Variants in ENOX1 observed in about 807,000 individuals in gnomAD.
The protein encoded by ENOX1 is candidate growth-related and time keeping constitutive hydroquinone (NADH) oxidase.
Under a neutral mutation model 82.5 loss-of-function variants are expected in ENOX1, and 42 were observed. The observed-to-expected ratio is 0.51, with a 90% CI of 0.40 to 0.66. The LOEUF (loss-of-function observed/expected upper bound fraction) is 0.66, where lower values mean the gene tolerates loss of function less well. ENOX1 is among the 30% of genes least tolerant of loss of function. The pLI is 0.00. For missense variants in ENOX1, 608 were observed against 811.6 expected, an observed-to-expected ratio of 0.75 and a Z score of 3.05; for synonymous variants, 271 against 282.2, an observed-to-expected ratio of 0.96 and a Z score of 0.40.
At chr13:43,398,994 A>G (rs1042778410) in intron 5 of ENOX1, among the ~76,000 whole-genome samples, 3 of 151,094 alleles carry the variant, frequency 2.0e-5, no homozygotes, top group Admixed American at 6.6e-5. Flanking sequence ...TTTTACCACC[A>G]TGTTGGTTAG....
intron 2 of ENOX1, among the ~76,000 whole-genome samples, chr13:43,665,040 G>A (rs2084912426): frequency 6.6e-6 from 1 of 152,142 alleles, no homozygotes; most frequent in Admixed American, 6.6e-5. Context: ...CCACCTTCCT[G>A]GAGGCCTGGG....
intron 3 of ENOX1, among the ~76,000 whole-genome samples, chr13:43,428,591 G>T (rs2055467219): frequency 6.6e-6 from 1 of 152,156 alleles, no homozygotes; most frequent in African/African-American, 2.4e-5. Context: ...GTGGAGTCAG[G>T]TTACTATTAC....
intron 3 of ENOX1, among the ~76,000 whole-genome samples, chr13:43,458,201 C>A (rs1178340428): frequency 6.6e-6 from 1 of 152,162 alleles, no homozygotes; most frequent in African/African-American, 2.4e-5. Flanking sequence ...CTTGACTTTA[C>A]AGTCAGATTG....
intron 5 of ENOX1, among the ~76,000 whole-genome samples, chr13:43,371,961 G>A (rs570256294): frequency 3.9e-5 from 6 of 152,266 alleles, no homozygotes; most frequent in East Asian, 3.9e-4. Context: ...CAAGGAGAAC[G>A]GGTAACATAA....
At chr13:43,364,467 C>T (rs1258973758) in intron 5 of ENOX1, among the ~76,000 whole-genome samples, 1 of 152,054 alleles carries the variant, frequency 6.6e-6, no homozygotes, top group East Asian at 1.9e-4. Flanking sequence ...TCTGTGTTGC[C>T]GGCTCCAAGC....
intron 2 of ENOX1, among the ~76,000 whole-genome samples, chr13:43,538,849 G>A (rs980639936): frequency 1.3e-5 from 2 of 151,932 alleles, no homozygotes; most frequent in Non-Finnish European, 2.9e-5. Flanking sequence ...TTTTGGAGAC[G>A]GGGTCTCACT....
chr13:43,351,293 A>G (rs902579530), intron 8 of ENOX1, among the ~76,000 whole-genome samples: 4 of 152,232 alleles, frequency 2.6e-5, no homozygotes, highest in African/African-American at 9.6e-5. Context: ...ACACACATGC[A>G]ATCTCCTTAA....
At chr13:43,533,600 T>C (rs1208112180) in intron 2 of ENOX1, among the ~76,000 whole-genome samples, 1 of 152,184 alleles carries the variant, frequency 6.6e-6, no homozygotes, top group African/African-American at 2.4e-5. Flanking sequence ...TTTCTAACTC[T>C]AGACTTCTTA....
intron 1 of ENOX1, among the ~76,000 whole-genome samples, chr13:43,770,296 A>C (rs1487367141): frequency 6.6e-6 from 1 of 152,252 alleles, no homozygotes; most frequent in East Asian, 1.9e-4. Context: ...TGGTGTAAGT[A>C]GAAGGAGTAA....
intron 2 of ENOX1, among the ~76,000 whole-genome samples, chr13:43,633,218 T>G (rs190345537): frequency 6.6e-6 from 1 of 152,192 alleles, no homozygotes; most frequent in Non-Finnish European, 1.5e-5. Flanking sequence ...ATCAAATAAG[T>G]AAAACATTTT....
Position 43,470,251 on chromosome 13 carries a change from T to TATATAC in ENOX1, c.-75+13757_-75+13758insGTATAT, listed in dbSNP as rs1566304829. On this transcript the variant is annotated intron_variant, in intron 3 of 16. Transcript: ENST00000690772. ...ATGTGTGTGTGTGTATATATATACA[T>TATATAC]ATATATATACATATATATACACATA... Among the ~76,000 whole-genome samples the TATATAC allele has an allele frequency of 6.1e-4, 27 of 44,102 alleles. 1 individual carries two copies. The highest frequency in any genetic ancestry group is 1.6e-3 in the African/African-American group (27 of 16,880). 28.9% of individuals were successfully genotyped at this position (44,102 alleles called of 152,430 possible). A position where few individuals can be genotyped will look rare whatever the true frequency, so the allele number is the denominator to read the frequency against.
chr13:43,359,002 C>T (rs550290615), intron 7 of ENOX1, among the ~76,000 whole-genome samples: 65 of 152,316 alleles, frequency 4.3e-4, no homozygotes, highest in African/African-American at 1.5e-3. Flanking sequence ...CACAGAATTT[C>T]GTGGCAATAG....
At chr13:43,374,935 T>C (rs2051513783) in intron 5 of ENOX1, among the ~76,000 whole-genome samples, 1 of 152,156 alleles carries the variant, frequency 6.6e-6, no homozygotes, top group Non-Finnish European at 1.5e-5. Context: ...TGCACAGTAT[T>C]CAGGGTTTAG....
intron 5 of ENOX1, among the ~76,000 whole-genome samples, chr13:43,396,806 T>C (rs2053182085): frequency 6.6e-6 from 1 of 152,228 alleles, no homozygotes; most frequent in Admixed American, 6.5e-5. Context: ...TAATGTCTTA[T>C]GTTCTTGATT....
At chr13:43,448,293 A>G (rs778945327) in intron 3 of ENOX1, among the ~76,000 whole-genome samples, 13 of 152,236 alleles carry the variant, frequency 8.5e-5, no homozygotes, top group Non-Finnish European at 1.8e-4. Context: ...AAAAAAGGTT[A>G]ACTCTCATTA....
At chr13:43,290,688 A>G (rs1181105251) in intron 12 of ENOX1, among the ~76,000 whole-genome samples, 1 of 152,200 alleles carries the variant, frequency 6.6e-6, no homozygotes, top group Non-Finnish European at 1.5e-5. Context: ...AGCATCACGC[A>G]ATATTCCCAT....
At position 43,450,825 on chromosome 13, in the gene ENOX1, G is replaced by A. The variant is rs957452802; in HGVS notation, c.-75+33184C>T. Among the ~76,000 whole-genome samples, 5 of 152,074 alleles carry A rather than the reference G, an allele frequency of 3.3e-5. 1 individual carries two copies. The highest frequency in any genetic ancestry group is 2.6e-4 in the Admixed American group (4 of 15,248). Reference sequence around the variant, plus strand: ...CTATCTCTAGGTATCAGCTGACCCAGGAAGGTTTAGCATCCCAAGTCCACA... The same window carrying A: ...CTATCTCTAGGTATCAGCTGACCCAAGAAGGTTTAGCATCCCAAGTCCACA... On this transcript the variant is annotated intron_variant, in intron 3 of 16. Transcript: ENST00000690772.
chr13:43,556,879 T>G lies in ENOX1; in HGVS notation c.-218-72727A>C, dbSNP rs1202200148. Among the ~76,000 whole-genome samples, 7 of 152,340 alleles carry G rather than the reference T, an allele frequency of 4.6e-5. No homozygotes were observed. The East Asian group carries it at 1.3e-3, about 29-fold the overall frequency. ...CCAAAGAAGGGCTACAGTAAACTTTTATAAAGAAACCTCTATTGGCAGGGA... is the reference window on the plus strand; with the variant it reads ...CCAAAGAAGGGCTACAGTAAACTTTGATAAAGAAACCTCTATTGGCAGGGA... On this transcript the variant is annotated intron_variant, in intron 2 of 16. Coordinates refer to ENST00000690772, the MANE Select transcript of ENOX1 (RefSeq NM_001347969.2).
chr13:43,586,140 T>C (rs1471886459), intron 2 of ENOX1, among the ~76,000 whole-genome samples: 1 of 152,142 alleles, frequency 6.6e-6, no homozygotes, highest in Non-Finnish European at 1.5e-5. Flanking sequence ...TCCTTACTGT[T>C]CTCCCTACGT....
Sources: gnomAD v4.1 joint callset for allele counts (sites outside exome capture counted in the v4.1 genomes callset) on GRCh38, gnomAD v4.1.1 for gene constraint, MANE v1.5 for transcripts, NCBI Gene and HGNC (gene_info 2026-07-23, HGNC 2026-07-21) for gene names.